Variants in ZC3H13 observed in about 807,000 individuals in gnomAD.
ZC3H13 encodes the protein zinc finger CCCH-type containing 13, also known as zinc finger CCCH domain-containing protein 13.
A neutral mutation model predicts 204.1 loss-of-function variants in ZC3H13; 64 were observed. The observed-to-expected ratio is 0.31, with a 90% CI of 0.26 to 0.39. The LOEUF is 0.39. Among genes scored for constraint, ZC3H13 ranks in the 10% least tolerant of loss-of-function variants. The pLI, the probability that ZC3H13 is intolerant of heterozygous loss-of-function variation, is 1.00. For synonymous variants in ZC3H13, 667 were observed against 693.7 expected (o/e 0.96, Z 0.60); for missense variants, 1,833 against 2,082.7 (o/e 0.88, Z 2.33).
At chr13:46,039,128 T>C (rs1044248705) in intron 4 of ZC3H13, among the ~76,000 whole-genome samples, 1 of 152,226 alleles carries the variant, frequency 6.6e-6, no homozygotes, top group African/African-American at 2.4e-5. Flanking sequence ...CTGTTGAAAT[T>C]TGTAACTCTA....
intron 2 of ZC3H13, 55 bp from the exon 3 acceptor site, chr13:46,045,119 T>C (rs528971120): frequency 1.0e-4 from 145 of 1,410,822 alleles, no homozygotes; most frequent in Middle Eastern, 3.7e-4. Context: ...AAAAAAAAAA[T>C]GCTAGCGGGA....
chr13:45,987,939 G>A (rs1200936802), intron 9 of ZC3H13, among the ~76,000 whole-genome samples: 1 of 152,174 alleles, frequency 6.6e-6, no homozygotes, highest in African/African-American at 2.4e-5. Context: ...TGAATAGGGA[G>A]TAGCAAATCC....
intron 12 of ZC3H13, among the ~76,000 whole-genome samples, chr13:45,972,550 A>G (rs1043102033): frequency 2.0e-5 from 3 of 152,180 alleles, no homozygotes; most frequent in African/African-American, 7.2e-5. Context: ...CAGGTAACCA[A>G]AAACCTCTTG....
chr13:46,040,672 C>A (rs1002199266), intron 4 of ZC3H13, among the ~76,000 whole-genome samples: 2 of 152,054 alleles, frequency 1.3e-5, no homozygotes, highest in East Asian at 3.9e-4. Context: ...TGATAACACA[C>A]AGAATGGGAG....
intron 10 of ZC3H13, among the ~76,000 whole-genome samples, chr13:45,981,643 C>T (rs1416546680): frequency 4.6e-5 from 7 of 152,240 alleles, no homozygotes; most frequent in East Asian, 3.9e-4. Context: ...CTCTCCAGCA[C>T]CTGTTGTTTC....
At chr13:46,039,933 C>CT (rs1336918339) in intron 4 of ZC3H13, among the ~76,000 whole-genome samples, 2 of 152,076 alleles carry the variant, frequency 1.3e-5, no homozygotes, top group African/African-American at 4.8e-5. Context: ...GCATGGCTTT[C>CT]TTTTTTTCAG....
At chr13:45,981,441 A>G (rs868019564) in intron 10 of ZC3H13, among the ~76,000 whole-genome samples, 31 of 152,200 alleles carry the variant, frequency 2.0e-4, no homozygotes, top group Non-Finnish European at 4.0e-4. Flanking sequence ...GCCGCAATAA[A>G]CATACGTGTG....
intron 11 of ZC3H13, among the ~76,000 whole-genome samples, chr13:45,976,593 T>C (rs761202207): frequency 1.3e-5 from 2 of 152,222 alleles, no homozygotes; most frequent in Non-Finnish European, 2.9e-5. Flanking sequence ...TCACATTTTA[T>C]ATAAATTTTT....
chr13:46,033,363 T>A (rs113966542), intron 4 of ZC3H13, among the ~76,000 whole-genome samples: 255 of 152,190 alleles, frequency 1.7e-3, no homozygotes, highest in African/African-American at 6.0e-3. Flanking sequence ...TCTTAAGAAC[T>A]ATATAGAAAC....
intron 4 of ZC3H13, among the ~76,000 whole-genome samples, chr13:46,021,616 C>T (rs762091078): frequency 2.0e-5 from 3 of 151,740 alleles, no homozygotes; most frequent in African/African-American, 7.3e-5. Context: ...GGCATGAAGT[C>T]ATACTGTAAA....
intron 8 of ZC3H13, among the ~76,000 whole-genome samples, chr13:45,990,823 G>A (rs2039917636): frequency 6.6e-6 from 1 of 151,982 alleles, no homozygotes; most frequent in Admixed American, 6.6e-5. Context: ...GGATGGGCGG[G>A]GGGACAAGGT....
At chr13:45,999,822 T>C (rs1350774691) in intron 8 of ZC3H13, among the ~76,000 whole-genome samples, 2 of 64,598 alleles carry the variant, frequency 3.1e-5, no homozygotes, top group Non-Finnish European at 5.7e-5. Context: ...AAAATGTATT[T>C]TTTAAATAAG....
At chr13:46,016,174 G>T (rs963330854) in intron 5 of ZC3H13, among the ~76,000 whole-genome samples, 1 of 152,090 alleles carries the variant, frequency 6.6e-6, no homozygotes, top group Non-Finnish European at 1.5e-5. Flanking sequence ...ATCTACTAAA[G>T]AGGAACACAT....
intron 1 of ZC3H13, among the ~76,000 whole-genome samples, chr13:46,046,322 T>C (rs2043950611): frequency 6.6e-6 from 1 of 152,130 alleles, no homozygotes; most frequent in Non-Finnish European, 1.5e-5. Context: ...ATTTTTATTT[T>C]ATTTTACGTT....
Position 45,967,515 on chromosome 13 carries a change from T to C in ZC3H13, c.4310A>G (p.Glu1437Gly). 1 of 1,551,868 alleles carries C rather than the reference T, an allele frequency of 6.4e-7. No homozygotes were observed. Residue 1437 changes from glutamate (E) to glycine (G), a missense_variant, in exon 15 of 19, where the codon GAG becomes GGG. Around this residue, in one of 5 missense-constraint regions of ZC3H13, gnomAD observed 1,574 missense variants for 1,757.2 expected, o/e 0.90. Transcript: ENST00000679008. Reference protein sequence around the residue: ...FEETNKSERTESLEAGDDESK... With the variant: ...FEETNKSERTGSLEAGDDESK... ...GAGGTAGCACTCACCTTCCAGACTC[T>C]CAGTTCTCTCGGATTTATTTGTTTC... is the stretch of plus-strand genomic sequence containing the variant.
intron 4 of ZC3H13, among the ~76,000 whole-genome samples, chr13:46,032,884 C>CAAGGTG (rs1316783879): frequency 6.6e-6 from 1 of 151,490 alleles, no homozygotes; most frequent in Non-Finnish European, 1.5e-5. Flanking sequence ...GTTAAAAAAG[C>CAAGGTG]AAGGTGAAGA....
chr13:45,957,321 A>G, intron 18 of ZC3H13, 24 bp from the exon 19 acceptor site: 1 of 1,458,748 alleles, frequency 6.9e-7, no homozygotes, highest in African/African-American at 1.4e-5. Context: ...ACAAAAACAA[A>G]CTTTAAAAAA....
chr13:45,975,898 A>G lies in ZC3H13; in HGVS notation c.1913-60T>C. ...TTGACAGATAACCTATTGGTAAGAC[A>G]GCATGGTAAATCTTAAATTTTATCT... On this transcript the variant is annotated intron_variant, in intron 11 of 18. Coordinates refer to ENST00000679008, the MANE Select transcript of ZC3H13 (RefSeq NM_001330564.2). 3 of 1,520,806 alleles carry G rather than the reference A, an allele frequency of 2.0e-6. No homozygotes were observed. The African/African-American group carries it at 4.8e-5, about 25-fold the overall frequency. The allele number at this position is 1,520,806 out of a possible 1,614,324, so 94.2% of individuals were successfully genotyped here. A position where few individuals can be genotyped will look rare whatever the true frequency, so the allele number is the denominator to read the frequency against.
At chr13:45,977,436 A>T (rs1953148372) in intron 11 of ZC3H13, among the ~76,000 whole-genome samples, 1 of 152,164 alleles carries the variant, frequency 6.6e-6, no homozygotes, top group African/African-American at 2.4e-5. Context: ...TATCAATGCT[A>T]CTTTCTTCAA....
Sources: allele counts gnomAD v4.1 joint callset (sites outside exome capture counted in the v4.1 genomes callset), GRCh38; gene constraint gnomAD v4.1.1; regional missense constraint gnomAD v4.1.1; transcripts MANE v1.5; gene names NCBI Gene and HGNC (gene_info 2026-07-23, HGNC 2026-07-21).